The following TENM3 variants were observed in gnomAD, a reference collection of about 807,000 sequenced individuals.
TENM3 encodes teneurin-3.
Under a neutral mutation model 255.1 loss-of-function variants are expected in TENM3, and 63 were observed. That is an observed-to-expected ratio of 0.25 (90% CI 0.20 to 0.30). The LOEUF (loss-of-function observed/expected upper bound fraction) is 0.30, where lower values mean the gene tolerates loss of function less well. TENM3 is among the 10% of genes least tolerant of loss of function. TENM3 has a pLI of 1.00. For synonymous variants in TENM3, 1,306 were observed against 1,322.3 expected, an observed-to-expected ratio of 0.99 and a Z score of 0.27; for missense variants, 2,929 against 3,461.1, an observed-to-expected ratio of 0.85 and a Z score of 3.86.
chr4:182,410,638 G>A (rs1303150671), intron 3 of TENM3, among the ~76,000 whole-genome samples: 1 of 152,110 alleles, frequency 6.6e-6, no homozygotes, highest in Non-Finnish European at 1.5e-5. Flanking sequence ...ATTAGCATCA[G>A]TGCCACATGA....
chr4:182,149,909 T>G (rs568678821), intron 1 of TENM3, among the ~76,000 whole-genome samples: 2 of 152,180 alleles, frequency 1.3e-5, no homozygotes, highest in African/African-American at 4.8e-5. Context: ...CAGTGATACC[T>G]TCTGAAAATA....
chr4:182,729,304 C>G (rs1760489442), intron 14 of TENM3, 123 bp downstream of exon 14: 1 of 827,096 alleles, frequency 1.2e-6, no homozygotes, highest in Non-Finnish European at 1.9e-6. Flanking sequence ...AGTTTTTCCT[C>G]TTTCTGCAGA....
chr4:181,686,046 A>C, the TENM3 span, among the ~76,000 whole-genome samples: 1 of 152,204 alleles, frequency 6.6e-6, no homozygotes, highest in Non-Finnish European at 1.5e-5. Context: ...TCGGATCAGT[A>C]TGCATATTTT....
the TENM3 span, among the ~76,000 whole-genome samples, chr4:182,130,481 C>G: frequency 1.3e-5 from 2 of 152,136 alleles, no homozygotes; most frequent in Admixed American, 1.3e-4. Context: ...GTTTAAGTGA[C>G]AGTGCAATAA....
At chr4:182,742,807 G>T (rs1404773211) in intron 18 of TENM3, among the ~76,000 whole-genome samples, 2 of 152,128 alleles carry the variant, frequency 1.3e-5, no homozygotes, top group African/African-American at 2.4e-5. Flanking sequence ...CATCTCTCTG[G>T]GTGAGAACCA....
At chr4:182,280,412 G>A (rs1371335349) in intron 1 of TENM3, among the ~76,000 whole-genome samples, 1 of 152,148 alleles carries the variant, frequency 6.6e-6, no homozygotes, top group African/African-American at 2.4e-5. Flanking sequence ...TATAATCACT[G>A]AGATTTATAT....
At chr4:182,320,833 T>C (rs1298254040) in intron 1 of TENM3, among the ~76,000 whole-genome samples, 3 of 152,182 alleles carry the variant, frequency 2.0e-5, no homozygotes, top group Admixed American at 2.0e-4. Flanking sequence ...GTGGATCCGA[T>C]TTGGCTGGCA....
At chr4:181,546,895 T>TG in the TENM3 span, among the ~76,000 whole-genome samples, 1 of 152,026 alleles carries the variant, frequency 6.6e-6, no homozygotes, top group African/African-American at 2.4e-5. Context: ...TTTTGTTTGT[T>TG]TGTGTATTGG....
the TENM3 span, among the ~76,000 whole-genome samples, chr4:181,744,166 A>G: frequency 6.6e-6 from 1 of 152,160 alleles, no homozygotes; most frequent in Non-Finnish European, 1.5e-5. Flanking sequence ...GTTCCTTTTT[A>G]TGGCTGCATA....
the TENM3 span, among the ~76,000 whole-genome samples, chr4:181,996,837 A>G: frequency 2.0e-5 from 3 of 152,112 alleles, no homozygotes; most frequent in Non-Finnish European, 4.4e-5. Flanking sequence ...AAGAAACTGG[A>G]TCAATGGTAG....
the TENM3 span, among the ~76,000 whole-genome samples, chr4:182,033,993 G>A: frequency 6.6e-6 from 1 of 152,140 alleles, no homozygotes; most frequent in Non-Finnish European, 1.5e-5. Context: ...ACCCCAGACT[G>A]GGTAATGTTT....
chr4:181,930,376 ATAC>A, the TENM3 span, among the ~76,000 whole-genome samples: 2 of 152,220 alleles, frequency 1.3e-5, no homozygotes, highest in African/African-American at 4.8e-5. Context: ...CCATCAGAGA[ATAC>A]TACAAACACC....
At chr4:181,800,226 T>C in the TENM3 span, among the ~76,000 whole-genome samples, 1 of 152,302 alleles carries the variant, frequency 6.6e-6, no homozygotes, top group African/African-American at 2.4e-5. Context: ...GTATTCTACG[T>C]AGACTGAACC....
chr4:181,740,704 GA>G, the TENM3 span, among the ~76,000 whole-genome samples: 1 of 149,890 alleles, frequency 6.7e-6, no homozygotes, highest in Non-Finnish European at 1.5e-5. Context: ...AAAAAGTCAA[GA>G]AAAAGGTGGT....
At chr4:182,790,767 A>G (rs143597311) in intron 25 of TENM3, among the ~76,000 whole-genome samples, 1 of 152,338 alleles carries the variant, frequency 6.6e-6, no homozygotes, top group East Asian at 1.9e-4. Flanking sequence ...TGCATTACAG[A>G]GAAGAATAAC....
the TENM3 span, among the ~76,000 whole-genome samples, chr4:181,725,262 T>A: frequency 6.6e-6 from 1 of 152,194 alleles, no homozygotes; most frequent in Non-Finnish European, 1.5e-5. Context: ...TTTTTACTGA[T>A]GTTTACTGGA....
chr4:182,309,206 C>G (rs902264278), intron 1 of TENM3, among the ~76,000 whole-genome samples: 1 of 152,208 alleles, frequency 6.6e-6, no homozygotes, highest in Non-Finnish European at 1.5e-5. Flanking sequence ...CTGACAGATG[C>G]CATGTTGACG....
chr4:181,809,408 A>G, the TENM3 span, among the ~76,000 whole-genome samples: 5 of 152,214 alleles, frequency 3.3e-5, no homozygotes, highest in Non-Finnish European at 7.3e-5. Flanking sequence ...AAGTGCTTAC[A>G]TATAATTATC....
chr4:182,029,897 T>C, the TENM3 span, among the ~76,000 whole-genome samples: 2 of 143,910 alleles, frequency 1.4e-5, no homozygotes, highest in African/African-American at 5.9e-5. Context: ...GCTAACATTC[T>C]TTATATTGAA....
Sources: allele counts gnomAD v4.1 joint callset (sites outside exome capture counted in the v4.1 genomes callset), GRCh38; gene constraint gnomAD v4.1.1; transcripts MANE v1.5; gene names NCBI Gene and HGNC (gene_info 2026-07-23, HGNC 2026-07-21).